The following NWD1 variants were observed in gnomAD, a reference collection of about 807,000 sequenced individuals.
The protein encoded by NWD1 is NACHT domain- and WD repeat-containing protein 1.
Under a neutral mutation model 135.1 loss-of-function variants are expected in NWD1, and 129 were observed. The ratio of observed to expected loss-of-function variants is 0.96; its 90% CI spans 0.83 to 1.11. The LOEUF is 1.11. NWD1 is among the 50% of genes least tolerant of loss of function. NWD1 has a pLI of 0.00. For missense variants in NWD1, 1,740 were observed against 1,851.3 expected (o/e 0.94, Z 1.10); for synonymous variants, 773 against 786.0 (o/e 0.98, Z 0.28).
At chr19:16,752,489 T>C (rs576142526) in intron 6 of NWD1, among the ~76,000 whole-genome samples, 1 of 151,914 alleles carries the variant, frequency 6.6e-6, no homozygotes, top group South Asian at 2.1e-4. Context: ...GGCCCCTGTC[T>C]ATACAACAAT....
At chr19:16,751,224 CAA>C (rs11307357) in intron 6 of NWD1, among the ~76,000 whole-genome samples, 12,948 of 114,186 alleles carry the variant, frequency 0.11, 942 homozygotes, top group African/African-American at 0.25. Context: ...AACTCGATCT[CAA>C]AAAAAAAAAA....
chr19:16,740,321 G>T (rs1968027990), intron 4 of NWD1, among the ~76,000 whole-genome samples: 1 of 151,748 alleles, frequency 6.6e-6, no homozygotes, highest in African/African-American at 2.4e-5. Context: ...GAAGAAAAAA[G>T]AATAGAAAAG....
chr19:16,793,733 C>T (rs970635361), intron 14 of NWD1, among the ~76,000 whole-genome samples: 2 of 151,500 alleles, frequency 1.3e-5, no homozygotes, highest in African/African-American at 4.8e-5. Context: ...TGTGCCACCA[C>T]GCCCGGCTAA....
At chr19:16,810,790 A>G (rs1172262466) in intron 18 of NWD1, among the ~76,000 whole-genome samples, 1 of 152,176 alleles carries the variant, frequency 6.6e-6, no homozygotes, top group Non-Finnish European at 1.5e-5. Context: ...ATAAACAAAA[A>G]TGAAGAAATT....
rs1256208691 is a variant in NWD1 at position 16,749,361 on chromosome 19, A to G, written c.719A>G (p.Lys240Arg). 20 of 1,613,548 alleles carry G rather than the reference A, an allele frequency of 1.2e-5. No homozygotes were observed. The highest frequency in any genetic ancestry group is 1.7e-5 in the Non-Finnish European group (20 of 1,179,732). Residue 240 changes from lysine to arginine, a missense_variant, in exon 6 of 19, where the codon AAG becomes AGG. Transcript: ENST00000524140. ...ACTGACATGCACCCAGGGGTCCTCA[A>G]GACCCACCGCCTGCCGTGGAGCCGC... ...HITDMHPGVL[K>R]THRLPWSRDL...
At chr19:16,806,921 G>C (rs1201279689) in intron 17 of NWD1, among the ~76,000 whole-genome samples, 1 of 151,944 alleles carries the variant, frequency 6.6e-6, no homozygotes, top group Non-Finnish European at 1.5e-5. Context: ...GGAGACTGAG[G>C]TGGGAGAATT....
chr19:16,799,596 T>A lies in NWD1; in HGVS notation c.3460-290T>A, dbSNP rs192368116. Among the ~76,000 whole-genome samples the A allele has an allele frequency of 1.6e-4, 24 of 152,232 alleles. 1 individual carries two copies. The highest frequency in any genetic ancestry group is 2.9e-5 in the Non-Finnish European group (2 of 68,018). On this transcript the variant is annotated intron_variant, in intron 16 of 18. Transcript: ENST00000524140. ...ATCTTGGCTCATTGCAAACTCCACC[T>A]CCCGGGTTCAAGCGATTCTCCTGCC...
chr19:16,779,662 G>A (rs1969787349), intron 12 of NWD1, among the ~76,000 whole-genome samples, 197 bp downstream of exon 12: 1 of 151,980 alleles, frequency 6.6e-6, no homozygotes. Context: ...TTTAAATATG[G>A]GATCTCACTG....
chr19:16,728,226 A>T (rs907518205), intron 2 of NWD1, among the ~76,000 whole-genome samples: 2 of 152,080 alleles, frequency 1.3e-5, no homozygotes, highest in South Asian at 2.1e-4. Flanking sequence ...AATCGGATTT[A>T]AAAAAATTTG....
chr19:16,728,300 T>C (rs200246636), intron 2 of NWD1, among the ~76,000 whole-genome samples: 6 of 135,112 alleles, frequency 4.4e-5, no homozygotes, highest in Admixed American at 1.5e-4. Context: ...TTTTTTTTTT[T>C]CTGAGATGGA....
intron 1 of NWD1, among the ~76,000 whole-genome samples, chr19:16,720,900 G>T (rs564671904): frequency 2.2e-4 from 33 of 152,016 alleles, no homozygotes; most frequent in Non-Finnish European, 3.8e-4. Flanking sequence ...GCCCAGGCTG[G>T]AGCGCAGTGG....
At position 16,815,164 on chromosome 19, in the gene NWD1, G is replaced by A. The variant is rs763290772; in HGVS notation, c.*125G>A. ...AGTGCCTTTCAGCAAAAGCCTCACC[G>A]CAGGACCCTCTTAAGAACTTCAAGA... On this transcript the variant is annotated 3_prime_UTR_variant, in exon 19 of 19. Transcript: ENST00000524140. The A allele has an allele frequency of 3.3e-5, 33 of 987,448 alleles. No homozygotes were observed. The highest frequency in any genetic ancestry group is 7.1e-5 in the East Asian group (3 of 42,084). 61.2% of individuals were successfully genotyped at this position (987,448 alleles called of 1,614,324 possible).
At chr19:16,734,596 C>A (rs1967717598) in intron 3 of NWD1, among the ~76,000 whole-genome samples, 1 of 147,550 alleles carries the variant, frequency 6.8e-6, no homozygotes, top group Non-Finnish European at 1.5e-5. Context: ...GTTTTTCTTG[C>A]AACAGGGTGT....
chr19:16,795,392 G>T (rs1355242441), intron 15 of NWD1, among the ~76,000 whole-genome samples: 1 of 152,092 alleles, frequency 6.6e-6, no homozygotes, highest in African/African-American at 2.4e-5. Context: ...GCCCCAGAGG[G>T]GGTGTTACAG....
intron 2 of NWD1, chr19:16,727,502 C>T: frequency 6.5e-6 from 1 of 152,756 alleles, no homozygotes. Flanking sequence ...GGCGTGAGGT[C>T]TCTGAGCCCC....
At chr19:16,767,543 C>T (rs60536133) in intron 10 of NWD1, among the ~76,000 whole-genome samples, 27,128 of 151,734 alleles carry the variant, frequency 0.18, 5,714 homozygotes, top group African/African-American at 0.51. Flanking sequence ...TGAACACGGG[C>T]GGCAGAGGTT....
intron 3 of NWD1, among the ~76,000 whole-genome samples, chr19:16,732,598 A>ATT (rs139987064): frequency 4.3e-5 from 5 of 117,296 alleles, no homozygotes; most frequent in Admixed American, 8.8e-5. Context: ...CTGGCTAGGG[A>ATT]ATTTTTTTTT....
At chr19:16,787,901 AATAATCATC>A (rs1405166819) in intron 12 of NWD1, among the ~76,000 whole-genome samples, 3,368 of 84,010 alleles carry the variant, frequency 0.04, 45 homozygotes, top group African/African-American at 0.054. Context: ...TAATAATAAT[AATAATCATC>A]ATCATCATCA....
In NWD1 at chr19:16,799,937, G is replaced by A. The variant is rs780981698; in HGVS notation, c.3511G>A (p.Gly1171Arg). 1.2e-5 allele frequency: 20 copies of A among 1,613,806 alleles called. No individual in the cohort carries two copies. In the African/African-American group the frequency reaches 1.7e-4, roughly 14 times the overall value. Residue 1171 changes from glycine to arginine, a missense_variant, in exon 17 of 19, where the codon GGG (glycine) becomes AGG (arginine). Coordinates refer to ENST00000524140, the MANE Select transcript of NWD1 (RefSeq NM_001007525.5). ...CCTTCTGGACATCCTGGAAGGCGTC[G>A]GGGCCCCCGTGAGCCTGCTGGCCCG... ...GTLLDILEGV[G>R]APVSLLARGG...
Sources: allele counts gnomAD v4.1 joint callset (sites outside exome capture counted in the v4.1 genomes callset), GRCh38; gene constraint gnomAD v4.1.1; transcripts MANE v1.5; gene names NCBI Gene and HGNC (gene_info 2026-07-23, HGNC 2026-07-21).